ABCA12: variants seen among roughly 807,000 people sequenced by gnomAD.
ABCA12 encodes the protein ATP binding cassette subfamily A member 12.
A neutral mutation model predicts 293.5 loss-of-function variants in ABCA12; 156 were observed. That is an observed-to-expected ratio of 0.53 (90% CI 0.47 to 0.61). The LOEUF is 0.61. ABCA12 is among the 20% of genes least tolerant of loss of function. ABCA12 has a pLI of 0.00. For synonymous variants in ABCA12, 1,063 were observed against 1,108.0 expected, an observed-to-expected ratio of 0.96 and a Z score of 0.81; for missense variants, 2,797 against 3,090.2, an observed-to-expected ratio of 0.91 and a Z score of 2.25.
chr2:215,136,229 T>C (rs980299995), intron 1 of ABCA12, among the ~76,000 whole-genome samples: 1 of 152,218 alleles, frequency 6.6e-6, no homozygotes, highest in Non-Finnish European at 1.5e-5. Flanking sequence ...GGGTTTTGAC[T>C]AGATGGGAAT....
intron 2 of ABCA12, among the ~76,000 whole-genome samples, chr2:215,067,432 A>C (rs1357527412): frequency 6.6e-6 from 1 of 152,144 alleles, no homozygotes; most frequent in Non-Finnish European, 1.5e-5. Flanking sequence ...GCCCTATACA[A>C]GTAAAAATAA....
At chr2:215,065,606 G>A (rs1013402786) in intron 2 of ABCA12, among the ~76,000 whole-genome samples, 3 of 151,902 alleles carry the variant, frequency 2.0e-5, no homozygotes, top group Non-Finnish European at 4.4e-5. Flanking sequence ...CTTAAAGATG[G>A]CGGAAAAAGC....
At chr2:214,951,351 A>G (rs1465880954) in intron 44 of ABCA12, among the ~76,000 whole-genome samples, 1 of 152,198 alleles carries the variant, frequency 6.6e-6, no homozygotes, top group Non-Finnish European at 1.5e-5. Context: ...AATTTCAGTA[A>G]TAAGGAATAC....
chr2:214,992,031 T>C (rs1431308452), intron 23 of ABCA12, among the ~76,000 whole-genome samples: 2 of 152,138 alleles, frequency 1.3e-5, no homozygotes, highest in Non-Finnish European at 2.9e-5. Flanking sequence ...TAAAGTATAA[T>C]AAAATAATAC....
At chr2:214,936,795 T>C (rs993082008) in intron 51 of ABCA12, among the ~76,000 whole-genome samples, 2 of 152,174 alleles carry the variant, frequency 1.3e-5, no homozygotes, top group South Asian at 4.1e-4. Flanking sequence ...TGGAGCTCTG[T>C]AGTTTTTTGG....
chr2:215,068,698 A>G (rs981480154), intron 2 of ABCA12, among the ~76,000 whole-genome samples: 12 of 150,698 alleles, frequency 8.0e-5, no homozygotes, highest in African/African-American at 2.9e-4. Flanking sequence ...TCAATTTCCA[A>G]TTCTTCTTTT....
At chr2:215,070,446 T>C (rs1701715160) in intron 2 of ABCA12, among the ~76,000 whole-genome samples, 1 of 151,968 alleles carries the variant, frequency 6.6e-6, no homozygotes, top group African/African-American at 2.4e-5. Context: ...TAGTTACATA[T>C]GTATACATGT....
At chr2:214,951,555 A>T (rs1698771058) in intron 44 of ABCA12, among the ~76,000 whole-genome samples, 1 of 152,134 alleles carries the variant, frequency 6.6e-6, no homozygotes, top group African/African-American at 2.4e-5. Flanking sequence ...TCAGAAGTTC[A>T]AGACCAGCCT....
chr2:215,105,542 G>A (rs1357016300), intron 2 of ABCA12, among the ~76,000 whole-genome samples: 2 of 151,170 alleles, frequency 1.3e-5, no homozygotes, highest in Admixed American at 6.6e-5. Context: ...ATTATCTGAT[G>A]AAGAAACATG....
At chr2:215,071,747 A>G (rs1478063968) in intron 2 of ABCA12, among the ~76,000 whole-genome samples, 2 of 152,166 alleles carry the variant, frequency 1.3e-5, no homozygotes, top group East Asian at 1.9e-4. Flanking sequence ...ATGAGTTACC[A>G]TTGCTCATCG....
chr2:215,013,066 T>G (rs1700411189), intron 15 of ABCA12: 1 of 152,202 alleles, frequency 6.6e-6, no homozygotes, highest in Non-Finnish European at 1.5e-5. Flanking sequence ...GAACATGAAT[T>G]GAGTGCCTGC....
At chr2:215,115,401 G>A (rs140442208) in intron 1 of ABCA12, among the ~76,000 whole-genome samples, 117 of 152,248 alleles carry the variant, frequency 7.7e-4, no homozygotes, top group African/African-American at 2.6e-3. Context: ...AAGCAAATGC[G>A]GTGTCAAGGA....
intron 2 of ABCA12, among the ~76,000 whole-genome samples, chr2:215,077,872 A>T (rs554905160): frequency 1.3e-5 from 2 of 152,238 alleles, no homozygotes; most frequent in South Asian, 2.1e-4. Flanking sequence ...TTATACCTCA[A>T]ATTACTTAAT....
chr2:215,070,843 C>A (rs1358566575), intron 2 of ABCA12, among the ~76,000 whole-genome samples: 1 of 151,880 alleles, frequency 6.6e-6, no homozygotes, highest in African/African-American at 2.4e-5. Context: ...ATATTGTGTA[C>A]TAAAAAGTGT....
rs542285449 is a variant in ABCA12 at position 214,943,089 on chromosome 2, C to T, written c.7344-72G>A. 1.1e-5 allele frequency: 13 copies of T among 1,172,516 alleles called. No individual in the cohort carries two copies. In the African/African-American group the frequency reaches 1.4e-4, roughly 12 times the overall value. The allele number at this position is 1,172,516 out of a possible 1,614,324, so 72.6% of individuals were successfully genotyped here. A position where few individuals can be genotyped will look rare whatever the true frequency, so the allele number is the denominator to read the frequency against. ...TTGGGTTGAAGTTCATGAGCATAAGCATAATTGTTTCATTATGGCACTTGG... is the reference window on the plus strand; with the variant it reads ...TTGGGTTGAAGTTCATGAGCATAAGTATAATTGTTTCATTATGGCACTTGG... On this transcript the variant is annotated intron_variant, in intron 49 of 52. Coordinates refer to ENST00000272895, the MANE Select transcript of ABCA12 (RefSeq NM_173076.3).
At chr2:215,122,949 A>C (rs1457739051) in intron 1 of ABCA12, among the ~76,000 whole-genome samples, 1 of 152,060 alleles carries the variant, frequency 6.6e-6, no homozygotes, top group Non-Finnish European at 1.5e-5. Flanking sequence ...CTTCCCTACT[A>C]TGGCATTCCC....
chr2:215,131,701 T>C (rs370261666), intron 1 of ABCA12, among the ~76,000 whole-genome samples: 647 of 62,672 alleles, frequency 0.01, 8 homozygotes, highest in African/African-American at 0.059. Context: ...TCCTTTCTAT[T>C]GTTTTTTTTT....
chr2:215,094,628 C>A (rs956188823), intron 2 of ABCA12, among the ~76,000 whole-genome samples: 1 of 152,192 alleles, frequency 6.6e-6, no homozygotes, highest in African/African-American at 2.4e-5. Flanking sequence ...CTGCATTTCA[C>A]TCCATCCTTA....
At chr2:214,950,472 T>C (rs1698730081) in intron 45 of ABCA12, among the ~76,000 whole-genome samples, 2 of 147,968 alleles carry the variant, frequency 1.4e-5, no homozygotes, top group Admixed American at 1.4e-4. Context: ...AGATTAACAT[T>C]TATATTTCTA....
Sources: gnomAD v4.1 joint callset for allele counts (sites outside exome capture counted in the v4.1 genomes callset) on GRCh38, gnomAD v4.1.1 for gene constraint, MANE v1.5 for transcripts, NCBI Gene and HGNC (gene_info 2026-07-23, HGNC 2026-07-21) for gene names.